Variants in KYNU observed in about 807,000 individuals in gnomAD.
KYNU encodes L-kynurenine hydrolase.
KYNU carries 54 observed loss-of-function variants against 59.2 expected under a neutral mutation model. The ratio of observed to expected loss-of-function variants is 0.91; its 90% CI spans 0.73 to 1.14. The LOEUF is 1.14. Ranked by LOEUF, KYNU falls within the 50% of genes most tolerant of loss-of-function variation. The pLI, the probability that KYNU is intolerant of heterozygous loss-of-function variation, is 0.00. For missense variants in KYNU, 567 were observed against 554.4 expected (o/e 1.02, Z -0.23); for synonymous variants, 177 against 192.0 (o/e 0.92, Z 0.65).
At chr2:142,997,035 C>G (rs1021321973) in intron 10 of KYNU, among the ~76,000 whole-genome samples, 1 of 152,142 alleles carries the variant, frequency 6.6e-6, no homozygotes, top group South Asian at 2.1e-4. Flanking sequence ...CCACTCCTTT[C>G]TGTAATAAGT....
At chr2:142,926,010 C>G (rs1256625200) in intron 3 of KYNU, among the ~76,000 whole-genome samples, 1 of 152,126 alleles carries the variant, frequency 6.6e-6, no homozygotes, top group African/African-American at 2.4e-5. Flanking sequence ...AAACATCATT[C>G]TCAGCTAACT....
At position 143,026,474 on chromosome 2, in the gene KYNU, C is replaced by T. The variant is rs918957048; in HGVS notation, c.903-3153C>T. 7.2e-5 allele frequency among the ~76,000 whole-genome samples: 11 copies of T among 152,308 alleles called. 1 individual carries two copies. The South Asian group carries it at 1.9e-3, about 26-fold the overall frequency. On this transcript the variant is annotated intron_variant, in intron 10 of 13. Coordinates refer to ENST00000264170, the MANE Select transcript of KYNU (RefSeq NM_003937.3). Reference sequence around the variant, plus strand: ...CTCCTCGCGGGAGGGAGTGCACGAGCGAACGAGTACGGGAGCTGGAATGAA... The same window carrying T: ...CTCCTCGCGGGAGGGAGTGCACGAGTGAACGAGTACGGGAGCTGGAATGAA...
intron 8 of KYNU, among the ~76,000 whole-genome samples, chr2:142,963,666 G>T (rs931314076): frequency 6.6e-6 from 1 of 152,116 alleles, no homozygotes; most frequent in African/African-American, 2.4e-5. Context: ...GGGGTCTGGG[G>T]AGACCAACAT....
chr2:142,998,100 C>T (rs932377968), intron 10 of KYNU, among the ~76,000 whole-genome samples: 8 of 152,214 alleles, frequency 5.3e-5, no homozygotes, highest in African/African-American at 1.7e-4. Context: ...TCTTCCAACA[C>T]GTTACTTCTC....
chr2:142,935,052 A>G (rs1683341987), intron 4 of KYNU, among the ~76,000 whole-genome samples: 2 of 152,146 alleles, frequency 1.3e-5, no homozygotes. Flanking sequence ...CATTTTCCTC[A>G]TCACGATTGT....
At chr2:143,022,196 AT>A (rs1573907933) in intron 10 of KYNU, among the ~76,000 whole-genome samples, 2 of 152,256 alleles carry the variant, frequency 1.3e-5, no homozygotes, top group East Asian at 3.9e-4. Context: ...ATTTCATTAC[AT>A]TAAGTATCTT....
chr2:142,994,615 A>G (rs1382427211), intron 10 of KYNU, among the ~76,000 whole-genome samples: 3 of 152,056 alleles, frequency 2.0e-5, no homozygotes, highest in Non-Finnish European at 2.9e-5. Context: ...TAAGGGCCCA[A>G]TGATCCCTAT....
At chr2:142,908,844 C>G (rs1349420443) in intron 2 of KYNU, among the ~76,000 whole-genome samples, 1 of 152,154 alleles carries the variant, frequency 6.6e-6, no homozygotes, top group Non-Finnish European at 1.5e-5. Flanking sequence ...CTGTGTTAGC[C>G]AGGATGGTCT....
At chr2:143,033,962 A>G (rs1038982574) in intron 12 of KYNU, among the ~76,000 whole-genome samples, 1 of 152,114 alleles carries the variant, frequency 6.6e-6, no homozygotes, top group Non-Finnish European at 1.5e-5. Flanking sequence ...CACTGACTCA[A>G]TATTTTCCTT....
At chr2:142,999,867 T>A (rs1025506221) in intron 10 of KYNU, among the ~76,000 whole-genome samples, 3 of 152,112 alleles carry the variant, frequency 2.0e-5, no homozygotes, top group African/African-American at 7.2e-5. Flanking sequence ...ACTTAAATGA[T>A]TAAATTTCTT....
intron 2 of KYNU, among the ~76,000 whole-genome samples, chr2:142,898,162 GAGCCACTGCACAC>G (rs1681945022): frequency 6.6e-6 from 1 of 152,166 alleles, no homozygotes; most frequent in African/African-American, 2.4e-5. Context: ...TTACAGGCAT[GAGCCACTGCACAC>G]AGCTGAATTC....
chr2:142,878,187 T>C (rs529304656), intron 1 of KYNU, among the ~76,000 whole-genome samples: 2 of 152,324 alleles, frequency 1.3e-5, no homozygotes, highest in African/African-American at 4.8e-5. Flanking sequence ...AAATGCCTAC[T>C]CTTGAACAGA....
In KYNU at chr2:142,985,262, A is replaced by G. The variant is rs917844547; in HGVS notation, c.828+80A>G. The G allele has an allele frequency of 8.4e-5, 71 of 849,430 alleles. 1 individual carries two copies. In the East Asian group the frequency reaches 1.4e-3, roughly 16 times the overall value. The allele number at this position is 849,430 out of a possible 1,614,324, so 52.6% of individuals were successfully genotyped here. On this transcript the variant is annotated intron_variant, in intron 9 of 13. Transcript: ENST00000264170. ...AAGGAGAAACTGGGTCTGTGGGCCA[A>G]TTTTAAAGATTTGAGTTACTTTCCC...
Position 143,053,956 on chromosome 2 carries a change from T to A in KYNU, c.*11784T>A, listed in dbSNP as rs1329224497. 1 of 152,178 alleles carries A rather than the reference T, an allele frequency of 6.6e-6. No individual in the cohort carries two copies. Among genetic ancestry groups the A allele is most frequent in the Non-Finnish European group, 1.5e-5 (1 of 68,044 alleles). The allele number at this position is 152,178 out of a possible 1,614,324, so 9.4% of individuals were successfully genotyped here. A position where few individuals can be genotyped will look rare whatever the true frequency, so the allele number is the denominator to read the frequency against. ...CCAGGTATATCATGTCAGAATTGAA[T>A]TCAATTAGAGGATACCTAGCTTGCG... is the stretch of plus-strand genomic sequence containing the variant. On this transcript the variant is annotated 3_prime_UTR_variant, in exon 14 of 14. Transcript: ENST00000264170.
At chr2:142,957,502 G>A (rs1043841077) in intron 6 of KYNU, 139 bp from the exon 7 acceptor site, 19 of 636,390 alleles carry the variant, frequency 3.0e-5, no homozygotes, top group East Asian at 2.8e-4. Flanking sequence ...TCTCTGTTGT[G>A]TATTTTGTTT....
Position 142,956,274 on chromosome 2 carries a change from T to C in KYNU, c.507T>C (p.His169=), listed in dbSNP as rs754288050. The change falls in exon 6 of 14, where the codon CAT becomes CAC. Residue 169 remains histidine, a splice_region_variant and synonymous_variant. Coordinates refer to ENST00000264170, the MANE Select transcript of KYNU (RefSeq NM_003937.3). ...LLEAKAFPSD[H]YAIESQLQLH... ...AAGCCAAAGCCTTCCCTTCTGATCA[T>C]GTAAGGACTTCTTCAAATTGTATTT... 6 of 1,571,186 alleles carry C rather than the reference T, an allele frequency of 3.8e-6. No individual in the cohort carries two copies. The highest frequency in any genetic ancestry group is 2.2e-5 in the East Asian group (1 of 44,540).
intron 10 of KYNU, among the ~76,000 whole-genome samples, chr2:142,992,036 C>G (rs924168699): frequency 6.6e-6 from 1 of 151,784 alleles, no homozygotes; most frequent in African/African-American, 2.4e-5. Context: ...TAGTATCTTG[C>G]TGATTATATA....
intron 4 of KYNU, among the ~76,000 whole-genome samples, chr2:142,941,253 T>C (rs985593509): frequency 6.6e-6 from 1 of 152,208 alleles, no homozygotes; most frequent in Non-Finnish European, 1.5e-5. Context: ...GAGCTTGTTA[T>C]GAATAACAAA....
intron 2 of KYNU, among the ~76,000 whole-genome samples, chr2:142,893,000 T>G (rs1681760965): frequency 6.6e-6 from 1 of 152,212 alleles, no homozygotes. Flanking sequence ...GGGCCAGTGT[T>G]TGGTCATGGC....
Sources: allele counts gnomAD v4.1 joint callset (sites outside exome capture counted in the v4.1 genomes callset), GRCh38; gene constraint gnomAD v4.1.1; transcripts MANE v1.5; gene names NCBI Gene and HGNC (gene_info 2026-07-23, HGNC 2026-07-21).